CMYA5: variants seen among roughly 807,000 people sequenced by gnomAD.
CMYA5 encodes cardiomyopathy associated 5.
CMYA5 carries 246 observed loss-of-function variants against 318.9 expected under a neutral mutation model. The ratio of observed to expected loss-of-function variants is 0.77; its 90% CI spans 0.70 to 0.86. CMYA5 has a LOEUF of 0.86. CMYA5 is among the 40% of genes least tolerant of loss of function. CMYA5 has a pLI of 0.00. For missense variants in CMYA5, 4,589 were observed against 4,678.2 expected (o/e 0.98, Z 0.56); for synonymous variants, 1,641 against 1,729.5 (o/e 0.95, Z 1.27).
At chr5:79,693,639 G>A (rs1374106406) in intron 1 of CMYA5, among the ~76,000 whole-genome samples, 2 of 152,124 alleles carry the variant, frequency 1.3e-5, no homozygotes, top group Non-Finnish European at 2.9e-5. Context: ...CACCGTGCCC[G>A]GTCAGCCACA....
At chr5:79,743,112 T>C (rs1332915513) in intron 2 of CMYA5, among the ~76,000 whole-genome samples, 2 of 152,208 alleles carry the variant, frequency 1.3e-5, no homozygotes, top group Non-Finnish European at 2.9e-5. Context: ...CCTCCATCAA[T>C]GTTGTATCTC....
chr5:79,733,407 C>G lies in CMYA5; in HGVS notation c.4642C>G (p.Gln1548Glu). ...GAAAGAAACTGAACTTCCTTCATCA[C>G]AAAATGTGTCACCTGCATCCAAACA... ...KKKETELPSS[Q>E]NVSPASKHII... is the part of the protein sequence containing the mutation. The change falls in exon 2 of 13, where the codon CAA becomes GAA. Residue 1548 changes from glutamine to glutamate, a missense_variant. Coordinates refer to ENST00000446378, the MANE Select transcript of CMYA5 (RefSeq NM_153610.5). 1 of 1,613,700 alleles carries G rather than the reference C, an allele frequency of 6.2e-7. No homozygotes were observed. The highest frequency in any genetic ancestry group is 8.5e-7 in the Non-Finnish European group (1 of 1,179,836).
chr5:79,799,520 T>G lies in CMYA5; in HGVS notation c.12114T>G (p.Phe4038Leu). 6.2e-7 allele frequency: 1 copy of G among 1,613,978 alleles called. No individual in the cohort carries two copies. The highest frequency in any genetic ancestry group is 1.1e-5 in the South Asian group (1 of 91,074). ...EQLLFIIRHR[F>L]NEGVHPAFAL... ...TGCTCTTCATCATCAGGCACAGGTT[T>G]AATGAGGGTGTCCACCCTGCCTTTG... Residue 4038 changes from phenylalanine (F) to leucine (L), a missense_variant, in exon 13 of 13, where the codon TTT becomes TTG. By Grantham distance (22) the Phe-to-Leu change is conservative. Around this residue, in one of 3 missense-constraint regions of CMYA5, gnomAD observed 2,431 missense variants for 2,495.1 expected, o/e 0.97. Coordinates refer to ENST00000446378, the MANE Select transcript of CMYA5 (RefSeq NM_153610.5).
chr5:79,799,517 GT>G lies in CMYA5; in HGVS notation c.12114del (p.Phe4038LeufsTer23), dbSNP rs1409285909. The G allele has an allele frequency of 1.9e-6, 3 of 1,613,868 alleles. No homozygotes were observed. The African/African-American group carries it at 4.0e-5, about 22-fold the overall frequency. ...AGTTGCTCTTCATCATCAGGCACAG[GT>G]TTAATGAGGGTGTCCACCCTGCCTT... is the stretch of plus-strand genomic sequence containing the variant. The part of the protein sequence containing the change: ...EQLLFIIRHR[F>X]NEGVHPAFAL... On this transcript the variant is annotated frameshift_variant, in exon 13 of 13. Transcript: ENST00000446378. LOFTEE classifies it high-confidence loss of function.
chr5:79,766,127 G>T (rs1361999878), intron 9 of CMYA5, among the ~76,000 whole-genome samples: 1 of 152,082 alleles, frequency 6.6e-6, no homozygotes, highest in Non-Finnish European at 1.5e-5. Flanking sequence ...GAGACGGGGT[G>T]TCCCTCTGTC....
chr5:79,715,591 A>G (rs1827500710), intron 1 of CMYA5, among the ~76,000 whole-genome samples: 1 of 151,890 alleles, frequency 6.6e-6, no homozygotes, highest in Non-Finnish European at 1.5e-5. Flanking sequence ...CCAGCCAACT[A>G]TAGCTTATTA....
chr5:79,793,308 T>C (rs1829210169), intron 11 of CMYA5, 129 bp from the exon 12 acceptor site: 2 of 821,700 alleles, frequency 2.4e-6, no homozygotes, highest in Non-Finnish European at 2.0e-6. Context: ...AGAGTATCTT[T>C]AGTTAAATTC....
chr5:79,768,296 T>C (rs996062921), intron 9 of CMYA5, among the ~76,000 whole-genome samples: 1 of 152,246 alleles, frequency 6.6e-6, no homozygotes, highest in Non-Finnish European at 1.5e-5. Flanking sequence ...TTAGCCTGTT[T>C]ACATTTAAGG....
intron 1 of CMYA5, among the ~76,000 whole-genome samples, chr5:79,726,908 G>GTTTTTTTTTTTTTTTTT (rs1561203799): frequency 1.9e-5 from 2 of 104,858 alleles, no homozygotes; most frequent in Non-Finnish European, 3.5e-5. Flanking sequence ...TTAGGCCAGT[G>GTTTTTTTTTTTTTTTTT]ATTTTTTTTT....
intron 5 of CMYA5, among the ~76,000 whole-genome samples, chr5:79,748,523 AT>A (rs1828372517): frequency 2.8e-5 from 1 of 36,132 alleles, no homozygotes; most frequent in African/African-American, 4.9e-4. Flanking sequence ...CTATCTACCT[AT>A]CTATCTATCT....
chr5:79,763,665 G>A (rs968889567), intron 9 of CMYA5, among the ~76,000 whole-genome samples: 5 of 152,148 alleles, frequency 3.3e-5, no homozygotes, highest in Admixed American at 6.5e-5. Context: ...AGACATACCT[G>A]CCTCTCCAAA....
chr5:79,710,541 A>G (rs1827369401), intron 1 of CMYA5, among the ~76,000 whole-genome samples: 1 of 152,206 alleles, frequency 6.6e-6, no homozygotes. Flanking sequence ...TCATTTGTGT[A>G]AAAGAGGCAC....
chr5:79,763,049 T>A lies in CMYA5; in HGVS notation c.11408-13T>A. On this transcript the variant is annotated splice_polypyrimidine_tract_variant and intron_variant, in intron 8 of 12. Transcript: ENST00000446378. ...GGCATTGCTCCACGACTGTCCTGAC[T>A]CTCTTTCTGCAGCACCCTCCACCCC... 2 of 1,609,202 alleles carry A rather than the reference T, an allele frequency of 1.2e-6. No individual in the cohort carries two copies. The highest frequency in any genetic ancestry group is 1.3e-5 in the African/African-American group (1 of 74,942).
intron 9 of CMYA5, among the ~76,000 whole-genome samples, chr5:79,772,551 T>TG: frequency 6.6e-6 from 1 of 152,326 alleles, no homozygotes; most frequent in Non-Finnish European, 1.5e-5. Context: ...AAAAATTTAT[T>TG]GGCCACAAAT....
chr5:79,758,393 G>A (rs894076625), intron 6 of CMYA5, among the ~76,000 whole-genome samples: 3 of 152,022 alleles, frequency 2.0e-5, no homozygotes, highest in African/African-American at 4.8e-5. Context: ...TTAGCCAGGT[G>A]TGGTGGCAGG....
chr5:79,779,091 G>A (rs1381401329), intron 9 of CMYA5, among the ~76,000 whole-genome samples: 60 of 43,816 alleles, frequency 1.4e-3, no homozygotes, highest in Admixed American at 3.5e-3. Flanking sequence ...AGTCCCCAGA[G>A]TGTGATATTC....
chr5:79,745,604 C>G, intron 4 of CMYA5, 149 bp downstream of exon 4: 1 of 646,838 alleles, frequency 1.5e-6, no homozygotes, highest in Admixed American at 2.9e-5. Flanking sequence ...TTTGGGCATG[C>G]CTGATGCCTA....
chr5:79,734,818 G>A lies in CMYA5; in HGVS notation c.6053G>A (p.Ser2018Asn), dbSNP rs1828013462. 1.9e-6 allele frequency: 3 copies of A among 1,613,608 alleles called. No individual in the cohort carries two copies. The highest frequency in any genetic ancestry group is 2.7e-5 in the African/African-American group (2 of 74,898). ...ATTCATTCTTTGATGGAGAGTGAAA[G>A]TTTGCTATTGGAGAAAGCAAACACA... ...KEIHSLMESE[S>N]LLLEKANTEL... The change falls in exon 2 of 13, where the codon AGT becomes AAT. Residue 2018 changes from serine (S) to asparagine (N), a missense_variant. This residue lies in a region of CMYA5 where 2,431 missense variants were observed against 2,495.1 expected (regional missense o/e 0.97). Transcript: ENST00000446378.
Position 79,713,926 on chromosome 5 carries a change from C to A in CMYA5, c.150-14989C>A, listed in dbSNP as rs184256860. ...ATCTTGTCCTGGTTGTAAGGACAGG[C>A]ACATGTCTTAGTCACTCAATGACTC... On this transcript the variant is annotated intron_variant, in intron 1 of 12. Transcript: ENST00000446378. Among the ~76,000 whole-genome samples the A allele has an allele frequency of 1.4e-3, 215 of 150,428 alleles. 4 individuals carry two copies. Among genetic ancestry groups the A allele is most frequent in the African/African-American group, 5.1e-3 (210 of 40,882 alleles).
Sources: gnomAD v4.1 joint callset for allele counts (sites outside exome capture counted in the v4.1 genomes callset) on GRCh38, gnomAD v4.1.1 for gene constraint, gnomAD v4.1.1 regional missense constraint, MANE v1.5 for transcripts, NCBI Gene and HGNC (gene_info 2026-07-23, HGNC 2026-07-21) for gene names.